Variants in RAPGEF1 observed in about 807,000 individuals in gnomAD.
RAPGEF1 encodes CRK SH3-binding GNRP.
A neutral mutation model predicts 143.3 loss-of-function variants in RAPGEF1; 33 were observed. The ratio of observed to expected loss-of-function variants is 0.23; its 90% confidence interval spans 0.17 to 0.31. The LOEUF (loss-of-function observed/expected upper bound fraction) is 0.31. Ranked by LOEUF, RAPGEF1 falls within the 10% of genes least tolerant of loss-of-function variation. The probability of loss-of-function intolerance (pLI) is 1.00; values close to 1 mark genes in which losing one functional copy is unlikely to be tolerated. For missense variants in RAPGEF1, 1,199 were observed against 1,645.4 expected, an observed-to-expected ratio of 0.73 and a Z score of 4.69; for synonymous variants, 629 against 676.5, an observed-to-expected ratio of 0.93 and a Z score of 1.09.
chr9:131,700,269 G>A (rs574436894), intron 1 of RAPGEF1, among the ~76,000 whole-genome samples: 8 of 152,224 alleles, frequency 5.3e-5, no homozygotes, highest in South Asian at 4.1e-4. Flanking sequence ...GGGCCTCTGC[G>A]CCACCTCTTC....
intron 1 of RAPGEF1, among the ~76,000 whole-genome samples, chr9:131,682,318 GCCATGAGGGGCCCGTC>G (rs1028269928): frequency 2.0e-5 from 3 of 152,218 alleles, no homozygotes; most frequent in Non-Finnish European, 4.4e-5. Context: ...TTCGGGAAAC[GCCATGAGGGGCCCGTC>G]CCGGGCCCCG....
intron 12 of RAPGEF1, among the ~76,000 whole-genome samples, chr9:131,613,211 C>A (rs528291420): frequency 2.0e-5 from 3 of 152,206 alleles, no homozygotes; most frequent in Admixed American, 2.0e-4. Context: ...TGGGGCAGGG[C>A]GGTGTGCTCA....
chr9:131,715,863 CAAAAAAAAAAA>C (rs145340457), intron 1 of RAPGEF1, among the ~76,000 whole-genome samples: 14,599 of 72,560 alleles, frequency 0.2, 1,138 homozygotes, highest in African/African-American at 0.32. Flanking sequence ...GACTCCCTCT[CAAAAAAAAAAA>C]AAAAAAAAAG....
intron 1 of RAPGEF1, among the ~76,000 whole-genome samples, chr9:131,674,336 G>A (rs890352748): frequency 2.0e-5 from 3 of 152,158 alleles, no homozygotes; most frequent in African/African-American, 7.2e-5. Context: ...AACCAACTAC[G>A]TTAAGACCAG....
At chr9:131,687,839 G>A (rs1334761786) in intron 1 of RAPGEF1, among the ~76,000 whole-genome samples, 1 of 152,198 alleles carries the variant, frequency 6.6e-6, no homozygotes, top group African/African-American at 2.4e-5. Context: ...CTATATAAAT[G>A]GGAAATTAAC....
intron 12 of RAPGEF1, among the ~76,000 whole-genome samples, chr9:131,607,574 G>A (rs1177599810): frequency 2.0e-5 from 3 of 152,128 alleles, no homozygotes; most frequent in Non-Finnish European, 4.4e-5. Flanking sequence ...GTGGGACGGC[G>A]TGCTGCTGGG....
Position 131,739,844 on chromosome 9 carries a change from G to A in RAPGEF1, c.-14C>T, listed in dbSNP as rs981720811. 57 of 1,021,732 alleles carry A rather than the reference G, an allele frequency of 5.6e-5. No homozygotes were observed. The highest frequency in any genetic ancestry group is 6.3e-5 in the Non-Finnish European group (54 of 858,758). 63.3% of individuals were successfully genotyped at this position (1,021,732 alleles called of 1,614,324 possible). On this transcript the variant is annotated 5_prime_UTR_variant, in exon 1 of 27. Coordinates refer to ENST00000683357, the MANE Select transcript of RAPGEF1 (RefSeq NM_001377935.1). ...GCCGCCGCTCATCGGGCCCGGGCCG[G>A]GCCGCCGCGGGGCGACAGGGGCGGC...
intron 12 of RAPGEF1, among the ~76,000 whole-genome samples, chr9:131,606,259 T>A (rs1957092556): frequency 6.6e-6 from 1 of 152,084 alleles, no homozygotes; most frequent in Non-Finnish European, 1.5e-5. Context: ...GACAGAGGTG[T>A]TCCAGGACCT....
At chr9:131,736,322 C>T (rs1837413279) in intron 1 of RAPGEF1, among the ~76,000 whole-genome samples, 1 of 152,178 alleles carries the variant, frequency 6.6e-6, no homozygotes, top group Admixed American at 6.5e-5. Context: ...CCAGCTTGTT[C>T]CTGGCCCTCC....
intron 1 of RAPGEF1, among the ~76,000 whole-genome samples, chr9:131,663,281 C>G (rs1008733658): frequency 3.9e-5 from 6 of 152,144 alleles, no homozygotes; most frequent in Admixed American, 2.6e-4. Flanking sequence ...ATCAAAGCAA[C>G]TGAAAGTTGC....
chr9:131,584,984 G>A lies in RAPGEF1; in HGVS notation c.3234-388C>T, dbSNP rs1001641872. ...AGGACTGGCTCGGGGAGACCCGCTAGCACGTGAGGTAAGAGGTCACCTTGG... is the reference window on the plus strand; with the variant it reads ...AGGACTGGCTCGGGGAGACCCGCTAACACGTGAGGTAAGAGGTCACCTTGG... On this transcript the variant is annotated intron_variant, in intron 22 of 26. Coordinates refer to ENST00000683357, the MANE Select transcript of RAPGEF1 (RefSeq NM_001377935.1). This position sits in a 1 kb window ranked among gnomAD's most constrained non-coding sequence, Gnocchi z 6.8. Among the ~76,000 whole-genome samples the A allele has an allele frequency of 2.0e-4, 31 of 152,192 alleles. No individual in the cohort carries two copies. Among genetic ancestry groups the A allele is most frequent in the Non-Finnish European group, 2.9e-4 (20 of 68,040 alleles).
At chr9:131,686,024 T>C (rs747497845) in intron 1 of RAPGEF1, among the ~76,000 whole-genome samples, 1 of 152,142 alleles carries the variant, frequency 6.6e-6, no homozygotes, top group Non-Finnish European at 1.5e-5. Context: ...GGGGTGTGAA[T>C]ATCTCACCTC....
chr9:131,617,541 G>A (rs935653415), intron 12 of RAPGEF1, among the ~76,000 whole-genome samples: 4 of 152,210 alleles, frequency 2.6e-5, no homozygotes, highest in East Asian at 1.9e-4. Context: ...AAAGTCACTC[G>A]GTCCAAACTC....
chr9:131,689,789 C>T (rs1245082789), intron 1 of RAPGEF1, among the ~76,000 whole-genome samples: 2 of 152,184 alleles, frequency 1.3e-5, no homozygotes, highest in South Asian at 2.1e-4. Context: ...CCGACCGCCT[C>T]GGCCTCCCAA....
intron 17 of RAPGEF1, among the ~76,000 whole-genome samples, chr9:131,594,741 A>G (rs552003771): frequency 1.8e-4 from 27 of 152,280 alleles, no homozygotes; most frequent in African/African-American, 6.0e-4. Context: ...TCCCACCGGC[A>G]CGGAGCGTCC....
At chr9:131,733,050 T>C (rs554707586) in intron 1 of RAPGEF1, among the ~76,000 whole-genome samples, 3 of 152,138 alleles carry the variant, frequency 2.0e-5, no homozygotes, top group Non-Finnish European at 2.9e-5. Context: ...AGGAAGTTGA[T>C]TTTGGTAGAG....
rs1196265656 is a variant in RAPGEF1, at chr9:131,623,320, A to C, written c.1703-1322T>G. On this transcript the variant is annotated intron_variant, in intron 10 of 26. Transcript: ENST00000683357. ...CTAAAAAGAAAAAAGAAAAGAAAAAAATTAGCAATGGTGGTATGTGCCTAT... is the reference window on the plus strand; with the variant it reads ...CTAAAAAGAAAAAAGAAAAGAAAAACATTAGCAATGGTGGTATGTGCCTAT... Among the ~76,000 whole-genome samples, 3 of 152,160 alleles carry C rather than the reference A, an allele frequency of 2.0e-5. No homozygotes were observed. In the East Asian group the frequency reaches 5.8e-4, roughly 29 times the overall value.
At position 131,679,173 on chromosome 9, in the gene RAPGEF1, G is replaced by T. The variant is rs114832885; in HGVS notation, c.62-28224C>A. Among the ~76,000 whole-genome samples, 903 of 148,526 alleles carry T rather than the reference G, an allele frequency of 6.1e-3. 9 individuals carry two copies. Among genetic ancestry groups the T allele is most frequent in the African/African-American group, 0.021 (863 of 40,570 alleles). On this transcript the variant is annotated intron_variant, in intron 1 of 26. Transcript: ENST00000683357. ...CGAACTCATTATGTGACAAGGGGGG[G>T]GCCACAAGCAGCTGTACAAAGGATA...
intron 1 of RAPGEF1, among the ~76,000 whole-genome samples, chr9:131,726,937 G>A (rs1589115110): frequency 6.6e-6 from 1 of 152,134 alleles, no homozygotes; most frequent in Non-Finnish European, 1.5e-5. Flanking sequence ...TCAGGAGGTC[G>A]AGGCTGCTGT....
Sources: allele counts gnomAD v4.1 joint callset (sites outside exome capture counted in the v4.1 genomes callset), GRCh38; gene constraint gnomAD v4.1.1; non-coding constraint Gnocchi (gnomAD v3.1); transcripts MANE v1.5; gene names NCBI Gene and HGNC (gene_info 2026-07-23, HGNC 2026-07-21).